Variants in PPM1A observed in about 807,000 individuals in gnomAD.
PPM1A encodes the protein protein phosphatase, Mg2+/Mn2+ dependent 1A, also known as protein phosphatase 1A.
In PPM1A, 7 loss-of-function variants were observed where a neutral mutation model predicts 35.0. The ratio of observed to expected loss-of-function variants is 0.20; its 90% confidence interval spans 0.11 to 0.38. The LOEUF (loss-of-function observed/expected upper bound fraction) is 0.38. Ranked by LOEUF, PPM1A falls within the 10% of genes least tolerant of loss-of-function variation. The pLI is 1.00. For missense variants in PPM1A, 239 were observed against 467.8 expected (o/e 0.51, Z 4.51); for synonymous variants, 153 against 167.3 (o/e 0.91, Z 0.66).
intron 1 of PPM1A, among the ~76,000 whole-genome samples, chr14:60,261,697 C>T (rs79201302): frequency 0.075 from 11,454 of 152,162 alleles, 724 homozygotes; most frequent in African/African-American, 0.18. Flanking sequence ...ATTCAGTGGG[C>T]TGTTTAGTTC....
chr14:60,251,947 C>T (rs1566566243), intron 1 of PPM1A, among the ~76,000 whole-genome samples: 1 of 152,134 alleles, frequency 6.6e-6, no homozygotes, highest in Non-Finnish European at 1.5e-5. Context: ...ATTATAAAAA[C>T]ACATTATGAA....
At chr14:60,278,457 A>G (rs1886017919) in intron 1 of PPM1A, among the ~76,000 whole-genome samples, 1 of 152,002 alleles carries the variant, frequency 6.6e-6, no homozygotes, top group Admixed American at 6.6e-5. Context: ...AGCAGAGATT[A>G]TGTTCCTAAA....
chr14:60,274,723 A>G (rs1885550856), intron 1 of PPM1A, among the ~76,000 whole-genome samples: 1 of 106,184 alleles, frequency 9.4e-6, no homozygotes, highest in Non-Finnish European at 2.0e-5. Context: ...TCTGCCATTC[A>G]TTGTCTCTAT....
chr14:60,263,633 G>T (rs1021942765), intron 1 of PPM1A, among the ~76,000 whole-genome samples: 3 of 152,056 alleles, frequency 2.0e-5, no homozygotes, highest in African/African-American at 7.2e-5. Context: ...CTGAAGGTTG[G>T]ACCCAATAGG....
At chr14:60,250,334 C>A (rs111972661) in intron 1 of PPM1A, 4 of 682,804 alleles carry the variant, frequency 5.9e-6, no homozygotes, top group African/African-American at 5.8e-5. Flanking sequence ...GGTAAAACTT[C>A]TTGATGTTAG....
At chr14:60,246,282 T>C (rs1881781929), upstream of PPM1A, among the ~76,000 whole-genome samples, 1 of 152,128 alleles carries the variant, frequency 6.6e-6, no homozygotes, top group South Asian at 2.1e-4. Flanking sequence ...TAAGTCACAA[T>C]TGTGGTGGAA....
At chr14:60,252,323 A>G (rs1406644711) in intron 1 of PPM1A, among the ~76,000 whole-genome samples, 1 of 152,246 alleles carries the variant, frequency 6.6e-6, no homozygotes, top group East Asian at 1.9e-4. Context: ...TAACAAGGTG[A>G]TATTTTGATG....
At chr14:60,276,175 G>C (rs1885735027) in intron 1 of PPM1A, among the ~76,000 whole-genome samples, 1 of 152,142 alleles carries the variant, frequency 6.6e-6, no homozygotes, top group African/African-American at 2.4e-5. Context: ...GCATTAGTGA[G>C]CAATGTAGAA....
chr14:60,275,021 TCCC>T (rs1225602416), intron 1 of PPM1A, among the ~76,000 whole-genome samples: 1 of 151,592 alleles, frequency 6.6e-6, no homozygotes, highest in Non-Finnish European at 1.5e-5. Context: ...TTTCTTTCAG[TCCC>T]AGACAAAAAA....
At position 60,294,427 on chromosome 14, in the gene PPM1A, C is replaced by T. The variant is rs1001053455; in HGVS notation, c.*1945C>T. On this transcript the variant is annotated 3_prime_UTR_variant, in exon 6 of 6. Coordinates refer to ENST00000395076, the MANE Select transcript of PPM1A (RefSeq NM_021003.5). ...TAATGTCTAAATCTGTGGTAGAGTG[C>T]GAAGTATGATAATGTTCTAAGTTAT... 12 of 151,860 alleles carry T rather than the reference C, an allele frequency of 7.9e-5. No individual in the cohort carries two copies. Among genetic ancestry groups the T allele is most frequent in the African/African-American group, 2.4e-4 (10 of 41,472 alleles). The allele number at this position is 151,860 out of a possible 1,614,324, so 9.4% of individuals were successfully genotyped here. A position where few individuals can be genotyped will look rare whatever the true frequency, so the allele number is the denominator to read the frequency against.
At chr14:60,285,287 T>C (rs186131498) in intron 2 of PPM1A, among the ~76,000 whole-genome samples, 1 of 152,262 alleles carries the variant, frequency 6.6e-6, no homozygotes, top group African/African-American at 2.4e-5. Flanking sequence ...TATATTTGTA[T>C]TAGGTATCAC....
chr14:60,259,911 G>A (rs1211936065), intron 1 of PPM1A, among the ~76,000 whole-genome samples: 1 of 151,816 alleles, frequency 6.6e-6, no homozygotes, highest in East Asian at 1.9e-4. Context: ...TTAAGAAAAC[G>A]ACTTATGGAT....
chr14:60,278,547 C>G (rs1886027135), intron 1 of PPM1A, among the ~76,000 whole-genome samples: 1 of 152,202 alleles, frequency 6.6e-6, no homozygotes, highest in South Asian at 2.1e-4. Context: ...TTTCCTGAAG[C>G]CATCCTCTTT....
chr14:60,255,203 GCT>G (rs1882955583), intron 1 of PPM1A, among the ~76,000 whole-genome samples: 1 of 127,246 alleles, frequency 7.9e-6, no homozygotes, highest in Non-Finnish European at 1.5e-5. Flanking sequence ...ACAGAGTCTC[GCT>G]CTGTCGCCCA....
At chr14:60,288,871 C>A (rs1412532352) in intron 3 of PPM1A, among the ~76,000 whole-genome samples, 1 of 152,038 alleles carries the variant, frequency 6.6e-6, no homozygotes, top group African/African-American at 2.4e-5. Flanking sequence ...ATATAACTTA[C>A]AAATACTTTT....
At chr14:60,288,098 G>A in intron 3 of PPM1A, 2 of 982,650 alleles carry the variant, frequency 2.0e-6, no homozygotes, top group South Asian at 9.4e-5. Context: ...ACAGAAGCAA[G>A]GCTAGTATAG....
intron 1 of PPM1A, among the ~76,000 whole-genome samples, chr14:60,256,610 CAAT>C (rs1166913780): frequency 6.6e-6 from 1 of 152,174 alleles, no homozygotes; most frequent in Non-Finnish European, 1.5e-5. Flanking sequence ...TAGCAACTAA[CAAT>C]GATAACTAAC....
rs1413809249 is a variant in PPM1A at position 60,249,877 on chromosome 14, G to C, written c.-21+200G>C. On this transcript the variant is annotated intron_variant, in intron 1 of 5. Coordinates refer to ENST00000395076, the MANE Select transcript of PPM1A (RefSeq NM_021003.5). The surrounding 1 kb of genome is among the most constrained non-coding windows in gnomAD (Gnocchi z 4.5). ...ACGGCGAGGGGTTAACGCTCGGCGA[G>C]GGCGGTGGCGGGGAGGCGGGGGCGG... Among the ~76,000 whole-genome samples the C allele has an allele frequency of 2.0e-5, 3 of 151,656 alleles. No individual in the cohort carries two copies. The highest frequency in any genetic ancestry group is 2.9e-5 in the Non-Finnish European group (2 of 67,810).
At chr14:60,274,145 C>G (rs925643187) in intron 1 of PPM1A, among the ~76,000 whole-genome samples, 1 of 152,020 alleles carries the variant, frequency 6.6e-6, no homozygotes, top group South Asian at 2.1e-4. Context: ...AAGGAGACGA[C>G]GGAAAAGCTT....
Sources: allele counts gnomAD v4.1 joint callset (sites outside exome capture counted in the v4.1 genomes callset), GRCh38; gene constraint gnomAD v4.1.1; non-coding constraint Gnocchi (gnomAD v3.1); transcripts MANE v1.5; gene names NCBI Gene and HGNC (gene_info 2026-07-23, HGNC 2026-07-21).